The following NCOA2 variants were observed in gnomAD, a reference collection of about 807,000 sequenced individuals.
NCOA2 encodes nuclear receptor coactivator 2, also known as class E basic helix-loop-helix protein 75.
A neutral mutation model predicts 145.1 loss-of-function variants in NCOA2; 21 were observed. The observed-to-expected ratio is 0.14, with a 90% CI of 0.10 to 0.21. NCOA2 has a LOEUF of 0.21. NCOA2 is among the 10% of genes least tolerant of loss of function. NCOA2 has a pLI of 1.00. For missense variants in NCOA2, 1,472 were observed against 1,837.6 expected, an observed-to-expected ratio of 0.80 and a Z score of 3.64; for synonymous variants, 619 against 637.5, an observed-to-expected ratio of 0.97 and a Z score of 0.44.
chr8:70,153,003 A>G (rs1811910942), intron 11 of NCOA2, among the ~76,000 whole-genome samples: 1 of 152,264 alleles, frequency 6.6e-6, no homozygotes, highest in Non-Finnish European at 1.5e-5. Flanking sequence ...GGAAACAGTG[A>G]AGGTGAGCAA....
At chr8:70,269,529 C>G (rs1052760193) in intron 2 of NCOA2, among the ~76,000 whole-genome samples, 2 of 151,862 alleles carry the variant, frequency 1.3e-5, no homozygotes, top group Non-Finnish European at 2.9e-5. Context: ...GGAGTGCAAA[C>G]TTTTTTCTAC....
intron 11 of NCOA2, 150 bp from the exon 12 acceptor site, chr8:70,148,633 A>T (rs1396666151): frequency 3.1e-6 from 2 of 654,356 alleles, no homozygotes; most frequent in African/African-American, 3.6e-5. Context: ...CAGATAATTG[A>T]TCATCTTTTA....
intron 1 of NCOA2, among the ~76,000 whole-genome samples, chr8:70,380,833 C>T (rs1586644420): frequency 6.6e-6 from 1 of 152,006 alleles, no homozygotes. Context: ...CCAGCACTTT[C>T]GGAGGCCAAG....
chr8:70,404,559 C>T (rs1293374479), upstream of NCOA2, among the ~76,000 whole-genome samples: 1 of 152,228 alleles, frequency 6.6e-6, no homozygotes. Flanking sequence ...GAGGCTTCTC[C>T]CATTGCAGTC....
At chr8:70,213,038 T>G (rs1819203398) in intron 4 of NCOA2, among the ~76,000 whole-genome samples, 1 of 139,090 alleles carries the variant, frequency 7.2e-6, no homozygotes, top group African/African-American at 2.8e-5. Context: ...GAGTTGAGGA[T>G]CACACCACTG....
intron 3 of NCOA2, among the ~76,000 whole-genome samples, chr8:70,215,530 T>C (rs1308828782): frequency 6.6e-6 from 1 of 152,192 alleles, no homozygotes; most frequent in Non-Finnish European, 1.5e-5. Flanking sequence ...GATGTTTTGC[T>C]TGGCAACTAG....
chr8:70,226,251 G>T lies in NCOA2; in HGVS notation c.-19-9487C>A, dbSNP rs184999355. On this transcript the variant is annotated intron_variant, in intron 2 of 22. Coordinates refer to ENST00000452400, the MANE Select transcript of NCOA2 (RefSeq NM_006540.4). ...TCAGACTTTTGTGAGTTTATAATAA[G>T]AAGGAAGAGGGAAAGAACAGGAGGG... is the stretch of plus-strand genomic sequence containing the variant. Among the ~76,000 whole-genome samples the T allele has an allele frequency of 2.8e-3, 421 of 151,982 alleles. 2 individuals are homozygous for T. The highest frequency in any genetic ancestry group is 9.8e-3 in the African/African-American group (408 of 41,424).
At chr8:70,288,673 G>A (rs574442003) in intron 2 of NCOA2, among the ~76,000 whole-genome samples, 2 of 151,678 alleles carry the variant, frequency 1.3e-5, no homozygotes, top group South Asian at 4.1e-4. Context: ...AAAGGAACAT[G>A]CTTCTGCATT....
chr8:70,140,080 A>C (rs1810211704), intron 14 of NCOA2, among the ~76,000 whole-genome samples: 1 of 152,162 alleles, frequency 6.6e-6, no homozygotes, highest in Non-Finnish European at 1.5e-5. Context: ...CAGACCATTA[A>C]TTTTTAAAAT....
rs745832863 is a variant in NCOA2, at chr8:70,213,928, C to T, written c.234G>A (p.Lys78=). The change falls in exon 4 of 23, where the codon AAG becomes AAA. Residue 78 remains lysine, a synonymous_variant. Transcript: ENST00000452400. ...CTTGTTCTTTGATCTGACGAATTTGCTTCACAGTTTCTTTTAAGATTGCAC... is the reference window on the plus strand; with the variant it reads ...CTTGTTCTTTGATCTGACGAATTTGTTTCACAGTTTCTTTTAAGATTGCAC... The part of the protein sequence containing the change: ...DKCAILKETV[K]QIRQIKEQEK... 7.9e-5 allele frequency: 127 copies of T among 1,602,900 alleles called. No homozygotes were observed. The highest frequency in any genetic ancestry group is 9.9e-5 in the Non-Finnish European group (116 of 1,174,714).
chr8:70,235,082 C>T (rs995882588), intron 2 of NCOA2, among the ~76,000 whole-genome samples: 1 of 152,134 alleles, frequency 6.6e-6, no homozygotes, highest in African/African-American at 2.4e-5. Context: ...ACCCAAATGT[C>T]CATCAACATA....
chr8:70,293,758 C>T (rs746277063), intron 2 of NCOA2, among the ~76,000 whole-genome samples: 2 of 152,086 alleles, frequency 1.3e-5, no homozygotes, highest in Non-Finnish European at 2.9e-5. Flanking sequence ...ATTATCAATG[C>T]CAAGTAAATT....
the NCOA2 span, among the ~76,000 whole-genome samples, chr8:70,442,474 T>C: frequency 6.6e-6 from 1 of 152,238 alleles, no homozygotes; most frequent in African/African-American, 2.4e-5. Context: ...TATATTAACC[T>C]TTCACATACT....
chr8:70,185,260 C>T (rs1483083385), intron 4 of NCOA2, among the ~76,000 whole-genome samples: 1 of 152,136 alleles, frequency 6.6e-6, no homozygotes, highest in Non-Finnish European at 1.5e-5. Context: ...ATGGGAGGAC[C>T]TCACCAGTGT....
intron 10 of NCOA2, among the ~76,000 whole-genome samples, chr8:70,159,242 A>ATATTTTTT: frequency 9.8e-5 from 6 of 61,076 alleles, no homozygotes; most frequent in African/African-American, 3.2e-4. Flanking sequence ...ATATATATAT[A>ATATTTTTT]TTTTTTTTTT....
chr8:70,416,083 G>T, the NCOA2 span, among the ~76,000 whole-genome samples: 1 of 152,112 alleles, frequency 6.6e-6, no homozygotes, highest in Non-Finnish European at 1.5e-5. Context: ...TCCAAACTTT[G>T]CAGAGAAGGC....
At chr8:70,210,198 C>T (rs1818868456) in intron 4 of NCOA2, among the ~76,000 whole-genome samples, 1 of 152,148 alleles carries the variant, frequency 6.6e-6, no homozygotes, top group South Asian at 2.1e-4. Flanking sequence ...AAACAATACG[C>T]CTATTCCATG....
chr8:70,248,751 CA>C (rs1563678005), intron 2 of NCOA2, among the ~76,000 whole-genome samples: 2 of 88,794 alleles, frequency 2.3e-5, no homozygotes, highest in African/African-American at 3.4e-5. Flanking sequence ...GGAATAATGA[CA>C]GGGGAAAAAA....
chr8:70,301,381 T>C (rs1324930312), intron 1 of NCOA2, among the ~76,000 whole-genome samples: 1 of 151,946 alleles, frequency 6.6e-6, no homozygotes, highest in Non-Finnish European at 1.5e-5. Context: ...TTGCAGGGCA[T>C]GGTGGCTCCC....
Sources: gnomAD v4.1 joint callset for allele counts (sites outside exome capture counted in the v4.1 genomes callset) on GRCh38, gnomAD v4.1.1 for gene constraint, MANE v1.5 for transcripts, NCBI Gene and HGNC (gene_info 2026-07-23, HGNC 2026-07-21) for gene names.